Variants in MED17 observed in about 807,000 individuals in gnomAD.
MED17 encodes mediator complex subunit 17.
A neutral mutation model predicts 80.8 loss-of-function variants in MED17; 49 were observed. The observed-to-expected ratio is 0.61, with a 90% CI of 0.48 to 0.77. The LOEUF is 0.77. Ranked by LOEUF, MED17 falls within the 30% of genes least tolerant of loss-of-function variation. MED17 has a pLI of 0.00. For synonymous variants in MED17, 281 were observed against 280.4 expected, an observed-to-expected ratio of 1.00 and a Z score of -0.02; for missense variants, 718 against 787.0, an observed-to-expected ratio of 0.91 and a Z score of 1.05.
rs1479638576 is a variant in MED17, at chr11:93,812,449, T to TC, written c.*385_*386insC. On this transcript the variant is annotated 3_prime_UTR_variant, in exon 12 of 12. Transcript: ENST00000251871. ...TCCCCCCAAATACTTTCTAAACTTT[T>TC]TTTTTTTGAGATGGTATCTCACTCT... 1 of 404,296 alleles carries TC rather than the reference T, an allele frequency of 2.5e-6. No homozygotes were observed. The highest frequency in any genetic ancestry group is 4.4e-6 in the Non-Finnish European group (1 of 229,568). 25.0% of individuals were successfully genotyped at this position (404,296 alleles called of 1,614,324 possible).
rs369005157 is a variant in MED17 at position 93,796,507 on chromosome 11, C to T, written c.1110C>T (p.Val370=). 3.7e-6 allele frequency: 6 copies of T among 1,613,968 alleles called. No homozygotes were observed. Among genetic ancestry groups the T allele is most frequent in the Non-Finnish European group, 5.1e-6 (6 of 1,179,982 alleles). ...AATGTCCGGAGGACCACCTTTATGT[C>T]CTAGAGCATAATTTGCATCTACTGA... ...EKQCPEDHLY[V]LEHNLHLLIR... Residue 370 remains valine, a synonymous_variant, in exon 7 of 12, where the codon GTC becomes GTT. Coordinates refer to ENST00000251871, the MANE Select transcript of MED17 (RefSeq NM_004268.5).
chr11:93,792,784 C>T (rs1235645208), intron 3 of MED17, among the ~76,000 whole-genome samples: 1 of 151,834 alleles, frequency 6.6e-6, no homozygotes, highest in Non-Finnish European at 1.5e-5. Context: ...AGAAAAAAAA[C>T]TTAAAAATTA....
At chr11:93,794,841 T>C (rs1021508489) in intron 5 of MED17, 67 bp from the exon 6 acceptor site, 1 of 1,506,450 alleles carries the variant, frequency 6.6e-7, no homozygotes, top group Non-Finnish European at 9.2e-7. Flanking sequence ...TGTATTCAGA[T>C]CACCATTTAA....
intron 8 of MED17, among the ~76,000 whole-genome samples, chr11:93,800,199 A>C (rs1395337741): frequency 6.6e-6 from 1 of 152,214 alleles, no homozygotes; most frequent in African/African-American, 2.4e-5. Flanking sequence ...TTCAGAATGT[A>C]TTGTAAGAAG....
Position 93,784,422 on chromosome 11 carries a change from T to G in MED17, c.-92T>G. 1 of 1,479,788 alleles carries G rather than the reference T, an allele frequency of 6.8e-7. No homozygotes were observed. Among genetic ancestry groups the G allele is most frequent in the Non-Finnish European group, 9.0e-7 (1 of 1,116,172 alleles). The allele number at this position is 1,479,788 out of a possible 1,614,324, so 91.7% of individuals were successfully genotyped here. On this transcript the variant is annotated 5_prime_UTR_variant, in exon 1 of 12. Transcript: ENST00000251871. The stretch of plus-strand genomic sequence containing the variant: ...CTGAGGCACCGCGGCTGCGGGCTTC[T>G]GAGTTCCCGGCTCTCCGCAGGGAAG...
chr11:93,789,972 T>A (rs1337215554), intron 2 of MED17, among the ~76,000 whole-genome samples: 1 of 152,144 alleles, frequency 6.6e-6, no homozygotes, highest in Non-Finnish European at 1.5e-5. Context: ...GAAAAAAAGT[T>A]AATGCTGTGT....
chr11:93,796,687 A>T (rs1267600589), intron 7 of MED17, 147 bp downstream of exon 7: 3 of 949,256 alleles, frequency 3.2e-6, no homozygotes, highest in African/African-American at 3.2e-5. Flanking sequence ...GCTGTGTGCT[A>T]GGGGAATACA....
chr11:93,792,715 G>A (rs1040479783), intron 3 of MED17, among the ~76,000 whole-genome samples: 2 of 152,256 alleles, frequency 1.3e-5, no homozygotes, highest in Middle Eastern at 3.4e-3. Flanking sequence ...GCCAAGGTGG[G>A]AGGATTGCTT....
intron 7 of MED17, chr11:93,797,206 G>C: frequency 3.6e-6 from 1 of 280,846 alleles, no homozygotes; most frequent in South Asian, 4.7e-5. Context: ...AAAAATTAAA[G>C]CTTGAGATCC....
Position 93,784,531 on chromosome 11 carries a change from A to G in MED17, c.18A>G (p.Ala6=). The G allele has an allele frequency of 6.2e-7, 1 of 1,607,408 alleles. No homozygotes were observed. The highest frequency in any genetic ancestry group is 8.5e-7 in the Non-Finnish European group (1 of 1,176,342). The change falls in exon 1 of 12, where the codon GCA becomes GCG. Residue 6 remains alanine (A), a synonymous_variant. Transcript: ENST00000251871. ...CAGCCAGCATGTCCGGGGTGCGCGC[A>G]GTGCGGATCAGCATCGAATCGGCCT... MSGVR[A]VRISIESACE...
At chr11:93,811,802 T>C (rs1944087302) in intron 11 of MED17, 51 bp from the exon 12 acceptor site, 2 of 1,442,692 alleles carry the variant, frequency 1.4e-6, no homozygotes, top group Non-Finnish European at 2.0e-6. Flanking sequence ...ATCCTTGTTA[T>C]TTCTAGTTTG....
intron 1 of MED17, among the ~76,000 whole-genome samples, chr11:93,785,099 C>T (rs1943755335): frequency 1.3e-5 from 2 of 152,244 alleles, no homozygotes; most frequent in South Asian, 4.1e-4. Context: ...TGCCCCTTGC[C>T]GGCTGTGTGA....
intron 1 of MED17, among the ~76,000 whole-genome samples, chr11:93,787,365 AT>A (rs1157230941): frequency 2.6e-5 from 4 of 152,000 alleles, no homozygotes; most frequent in Non-Finnish European, 5.9e-5. Context: ...GTGAGCTGAG[AT>A]CGCGCTACTG....
At position 93,801,993 on chromosome 11, in the gene MED17, T is replaced by G. The variant is rs542170828; in HGVS notation, c.1466+21T>G. 1.2e-4 allele frequency: 200 copies of G among 1,604,402 alleles called. No homozygotes were observed. The Middle Eastern group carries it at 4.2e-3, about 33-fold the overall frequency. ...TGCAAGTAAGTGGCCAAAATAAAAG[T>G]TTTGTATTTAATATGTTAATTTGCT... On this transcript the variant is annotated intron_variant, in intron 9 of 11. Transcript: ENST00000251871.
chr11:93,806,518 T>C (rs1389638869), intron 9 of MED17: 1 of 152,184 alleles, frequency 6.6e-6, no homozygotes, highest in African/African-American at 2.4e-5. Context: ...CTGGCTATTG[T>C]ATGAGTTTCT....
At position 93,796,437 on chromosome 11, in the gene MED17, A is replaced by C. The variant is rs1008620580; in HGVS notation, c.1040A>C (p.His347Pro). The C allele has an allele frequency of 3.1e-6, 5 of 1,612,930 alleles. No individual in the cohort carries two copies. The African/African-American group carries it at 5.3e-5, about 17-fold the overall frequency. The change falls in exon 7 of 12, where the codon CAT becomes CCT. Residue 347 changes from histidine to proline, a missense_variant. Transcript: ENST00000251871. The stretch of plus-strand genomic sequence containing the variant: ...TTGCAGTTATCTATTTCTTTGTGCC[A>C]TTCCTCAAATGATAAGAAATCCCAA... ...PSLQLSISLCHSSNDKKSQKF... is the reference protein window; with the variant it reads ...PSLQLSISLCPSSNDKKSQKF...
chr11:93,786,722 G>A lies in MED17; in HGVS notation c.251-1279G>A, dbSNP rs539022553. ...ATGTCAGGTGATCCACCCTGCCTCG[G>A]CCTCCCAAAGTGCTGGGATTACAGG... On this transcript the variant is annotated intron_variant, in intron 1 of 11. Coordinates refer to ENST00000251871, the MANE Select transcript of MED17 (RefSeq NM_004268.5). Among the ~76,000 whole-genome samples the A allele has an allele frequency of 5.9e-5, 9 of 152,172 alleles. No homozygotes were observed. The East Asian group carries it at 1.7e-3, about 29-fold the overall frequency.
intron 9 of MED17, 25 bp downstream of exon 9, chr11:93,801,997 G>A: frequency 6.3e-7 from 1 of 1,598,732 alleles, no homozygotes; most frequent in Non-Finnish European, 8.5e-7. Flanking sequence ...TAAAAGTTTT[G>A]TATTTAATAT....
rs1402279993 is a variant in MED17, at chr11:93,784,598, A to T, written c.85A>T (p.Thr29Ser). The change falls in exon 1 of 12, where the codon ACG becomes TCG. Residue 29 changes from threonine to serine, a missense_variant. By Grantham distance (58) the Thr-to-Ser change is moderately conservative. Coordinates refer to ENST00000251871, the MANE Select transcript of MED17 (RefSeq NM_004268.5). Reference sequence around the variant, plus strand: ...TGAGGTGGGCCTGGATGGCACCGAGACGTACCTGCCCCCGCTGTCCATGTC... The same window carrying T: ...TGAGGTGGGCCTGGATGGCACCGAGTCGTACCTGCCCCCGCTGTCCATGTC... ...VHEVGLDGTE[T>S]YLPPLSMSQN... is the part of the protein sequence containing the mutation. 2 of 1,607,008 alleles carry T rather than the reference A, an allele frequency of 1.2e-6. No homozygotes were observed.
Sources: gnomAD v4.1 joint callset for allele counts (sites outside exome capture counted in the v4.1 genomes callset) on GRCh38, gnomAD v4.1.1 for gene constraint, MANE v1.5 for transcripts, NCBI Gene and HGNC (gene_info 2026-07-23, HGNC 2026-07-21) for gene names.